The following NTRK3 variants were observed in gnomAD, a reference collection of about 807,000 sequenced individuals.
NTRK3 encodes NT-3 growth factor receptor.
Under a neutral mutation model 91.7 loss-of-function variants are expected in NTRK3, and 24 were observed. The ratio of observed to expected loss-of-function variants is 0.26; its 90% CI spans 0.19 to 0.37. The LOEUF (loss-of-function observed/expected upper bound fraction) is 0.37. Ranked by LOEUF, NTRK3 falls within the 10% of genes least tolerant of loss-of-function variation. The probability of loss-of-function intolerance (pLI) is 1.00; values close to 1 mark genes in which losing one functional copy is unlikely to be tolerated. For synonymous variants in NTRK3, 483 were observed against 404.0 expected (o/e 1.20, Z -2.34); for missense variants, 880 against 1,068.9 (o/e 0.82, Z 2.46).
At chr15:88,217,764 A>G (rs1000100698) in intron 3 of NTRK3, among the ~76,000 whole-genome samples, 1 of 143,728 alleles carries the variant, frequency 7.0e-6, no homozygotes, top group African/African-American at 2.6e-5. Context: ...TTGTAGCACA[A>G]TTTTTTTTTT....
chr15:88,032,178 C>T (rs1436937541), intron 14 of NTRK3, among the ~76,000 whole-genome samples: 2 of 152,044 alleles, frequency 1.3e-5, no homozygotes, highest in African/African-American at 4.8e-5. Flanking sequence ...GCTGGATGGA[C>T]AGACAAGTCA....
At chr15:87,946,602 G>A (rs1388839024) in intron 14 of NTRK3, among the ~76,000 whole-genome samples, 1 of 152,076 alleles carries the variant, frequency 6.6e-6, no homozygotes, top group Non-Finnish European at 1.5e-5. Context: ...CTGAGGGCTG[G>A]CCCCTGGTGG....
chr15:88,177,378 G>T (rs1441589137), intron 5 of NTRK3, among the ~76,000 whole-genome samples: 1 of 152,224 alleles, frequency 6.6e-6, no homozygotes, highest in African/African-American at 2.4e-5. Flanking sequence ...CTGTCACAGT[G>T]TCAGAGGAGG....
At chr15:88,052,495 G>A (rs111467414) in intron 13 of NTRK3, among the ~76,000 whole-genome samples, 2 of 152,222 alleles carry the variant, frequency 1.3e-5, no homozygotes, top group Admixed American at 6.5e-5. Context: ...GCCCATGGGC[G>A]TCTTTCAAAG....
chr15:87,978,793 G>C (rs1393640323), intron 14 of NTRK3: 2 of 235,172 alleles, frequency 8.5e-6, no homozygotes, highest in Admixed American at 1.1e-4. Context: ...GCCAATACTT[G>C]AGCCTGGCTC....
intron 14 of NTRK3, among the ~76,000 whole-genome samples, chr15:87,959,216 ATTTG>A (rs541933388): frequency 3.0e-4 from 45 of 152,242 alleles, no homozygotes; most frequent in Middle Eastern, 3.4e-3. Flanking sequence ...TTCCTGACTT[ATTTG>A]TTTGTTTATC....
chr15:87,899,442 A>T (rs1251004916), intron 17 of NTRK3, among the ~76,000 whole-genome samples: 3 of 151,226 alleles, frequency 2.0e-5, no homozygotes. Context: ...AAGCATTCGA[A>T]CTCCATCAGT....
intron 15 of NTRK3, among the ~76,000 whole-genome samples, chr15:87,934,340 G>C (rs983532954): frequency 1.4e-4 from 21 of 152,206 alleles, no homozygotes; most frequent in African/African-American, 3.9e-4. Flanking sequence ...ATGAGGAAGT[G>C]AGTGTAATAT....
chr15:87,996,391 C>A (rs919851021), intron 14 of NTRK3, among the ~76,000 whole-genome samples: 4 of 152,068 alleles, frequency 2.6e-5, no homozygotes, highest in Admixed American at 6.6e-5. Context: ...TACATTAGGG[C>A]TGGGATCGCT....
intron 4 of NTRK3, 129 bp from the exon 5 acceptor site, chr15:88,183,618 C>T (rs2046707230): frequency 1.2e-6 from 1 of 869,190 alleles, no homozygotes; most frequent in Admixed American, 1.8e-5. Context: ...TACACCTCTT[C>T]ATTGCCAGTT....
chr15:88,148,930 G>A (rs1385118999), intron 5 of NTRK3, among the ~76,000 whole-genome samples: 1 of 152,148 alleles, frequency 6.6e-6, no homozygotes, highest in Non-Finnish European at 1.5e-5. Context: ...TGAGTGGCCA[G>A]GTAAATGGTG....
At chr15:87,969,182 G>T (rs1173559465) in intron 14 of NTRK3, among the ~76,000 whole-genome samples, 1 of 152,108 alleles carries the variant, frequency 6.6e-6, no homozygotes, top group Admixed American at 6.5e-5. Flanking sequence ...ATGGCCAATT[G>T]GTGCCCAGGC....
intron 5 of NTRK3, among the ~76,000 whole-genome samples, chr15:88,170,700 A>C (rs1011838633): frequency 3.3e-5 from 5 of 152,154 alleles, no homozygotes; most frequent in African/African-American, 1.2e-4. Context: ...CCACACCCTC[A>C]GGACGTAGGC....
intron 5 of NTRK3, among the ~76,000 whole-genome samples, chr15:88,179,714 G>C (rs1235242831): frequency 1.3e-5 from 2 of 152,164 alleles, no homozygotes; most frequent in African/African-American, 2.4e-5. Flanking sequence ...CAATAATGCT[G>C]GTGGAGGAGA....
intron 3 of NTRK3, among the ~76,000 whole-genome samples, chr15:88,229,975 A>G (rs914368812): frequency 3.3e-5 from 5 of 152,214 alleles, no homozygotes; most frequent in African/African-American, 1.2e-4. Context: ...CTCCAGATGT[A>G]GGTTGGACAA....
chr15:88,116,562 T>C (rs1319114143), intron 13 of NTRK3, among the ~76,000 whole-genome samples: 1 of 152,026 alleles, frequency 6.6e-6, no homozygotes, highest in African/African-American at 2.4e-5. Context: ...AGAGAGGTGA[T>C]CTAAGTTCCC....
intron 13 of NTRK3, among the ~76,000 whole-genome samples, chr15:88,120,467 G>T (rs1470817626): frequency 2.0e-5 from 3 of 152,358 alleles, no homozygotes; most frequent in African/African-American, 4.8e-5. Flanking sequence ...AAAGGCAAGT[G>T]GTTGCTGATG....
rs2051580850 is a variant in NTRK3 at position 88,235,175 on chromosome 15, C to T, written c.248+20731G>A. 6.6e-6 allele frequency among the ~76,000 whole-genome samples: 1 copy of T among 152,228 alleles called. No homozygotes were observed. The highest frequency in any genetic ancestry group is 1.5e-5 in the Non-Finnish European group (1 of 68,044). On this transcript the variant is annotated intron_variant, in intron 3 of 18. Coordinates refer to ENST00000394480, the Ensembl canonical transcript of NTRK3. This position sits in a 1 kb window ranked among gnomAD's most constrained non-coding sequence, Gnocchi z 5.2. Reference sequence around the variant, plus strand: ...TGATATGATTGTACTGATTTCTTTGCTTGCATATCAACGGATGGCCTCTAT... The same window carrying T: ...TGATATGATTGTACTGATTTCTTTGTTTGCATATCAACGGATGGCCTCTAT...
At chr15:87,978,288 C>T in intron 14 of NTRK3, 1 of 230,756 alleles carries the variant, frequency 4.3e-6, no homozygotes, top group East Asian at 6.2e-5. Flanking sequence ...AGTAAACACA[C>T]ATATTGACCA....
Sources: allele counts gnomAD v4.1 joint callset (sites outside exome capture counted in the v4.1 genomes callset), GRCh38; gene constraint gnomAD v4.1.1; non-coding constraint Gnocchi (gnomAD v3.1); transcripts MANE v1.5; gene names NCBI Gene and HGNC (gene_info 2026-07-23, HGNC 2026-07-21).